ERC1: variants seen among roughly 807,000 people sequenced by gnomAD.
ERC1 encodes RAB6 interacting protein 2.
A neutral mutation model predicts 132.0 loss-of-function variants in ERC1; 56 were observed. That is an observed-to-expected ratio of 0.42 (90% CI 0.34 to 0.53). ERC1 has a LOEUF of 0.53. Ranked by LOEUF, ERC1 falls within the 20% of genes least tolerant of loss-of-function variation. The probability of loss-of-function intolerance (pLI) is 0.03; values close to 1 mark genes in which losing one functional copy is unlikely to be tolerated. For synonymous variants in ERC1, 478 were observed against 476.1 expected (o/e 1.00, Z -0.05); for missense variants, 1,202 against 1,349.9 (o/e 0.89, Z 1.72).
chr12:1,221,109 CT>C (rs1958943689), intron 12 of ERC1, among the ~76,000 whole-genome samples: 1 of 152,088 alleles, frequency 6.6e-6, no homozygotes, highest in Non-Finnish European at 1.5e-5. Flanking sequence ...TGTTCTCTTT[CT>C]TTCCAGTGGA....
At chr12:1,403,134 G>T (rs1312076725) in intron 16 of ERC1, among the ~76,000 whole-genome samples, 1 of 152,140 alleles carries the variant, frequency 6.6e-6, no homozygotes. Context: ...CTCTGGGAGG[G>T]TATGTATACC....
intron 14 of ERC1, among the ~76,000 whole-genome samples, chr12:1,272,112 C>T (rs1287534444): frequency 6.6e-6 from 1 of 152,150 alleles, no homozygotes; most frequent in Admixed American, 6.5e-5. Context: ...AAATTATGAC[C>T]TTGGGCAAGT....
intron 8 of ERC1, among the ~76,000 whole-genome samples, chr12:1,166,194 G>C (rs1055028583): frequency 6.6e-6 from 1 of 152,160 alleles, no homozygotes; most frequent in Non-Finnish European, 1.5e-5. Context: ...TGTATTGTGC[G>C]AGGGACCCAG....
chr12:1,064,224 T>C (rs1207643133), intron 2 of ERC1, among the ~76,000 whole-genome samples: 1 of 152,020 alleles, frequency 6.6e-6, no homozygotes, highest in African/African-American at 2.4e-5. Context: ...AAAAAACTTT[T>C]TTTTTTTTTT....
chr12:1,439,267 T>C (rs1423420889), intron 17 of ERC1, among the ~76,000 whole-genome samples: 1 of 152,158 alleles, frequency 6.6e-6, no homozygotes, highest in East Asian at 1.9e-4. Flanking sequence ...CTGTAGAATC[T>C]TCTGTTACTA....
At chr12:1,084,099 G>A (rs940709822) in intron 3 of ERC1, among the ~76,000 whole-genome samples, 2 of 152,188 alleles carry the variant, frequency 1.3e-5, no homozygotes, top group African/African-American at 4.8e-5. Context: ...TGGCTGCCAT[G>A]GAGGCATAGC....
chr12:1,261,487 G>A (rs1274438158), intron 13 of ERC1, among the ~76,000 whole-genome samples: 1 of 151,996 alleles, frequency 6.6e-6, no homozygotes, highest in Non-Finnish European at 1.5e-5. Flanking sequence ...CTCTTAGTTC[G>A]TAATCCTTCT....
intron 15 of ERC1, among the ~76,000 whole-genome samples, chr12:1,308,358 A>C (rs1439478569): frequency 6.6e-6 from 1 of 152,154 alleles, no homozygotes; most frequent in Non-Finnish European, 1.5e-5. Context: ...AGTTATATTA[A>C]AATTAGGACA....
intron 14 of ERC1, among the ~76,000 whole-genome samples, chr12:1,276,574 GT>G (rs528430427): frequency 0.019 from 2,768 of 143,984 alleles, 60 homozygotes; most frequent in African/African-American, 0.06. Flanking sequence ...ACTTAGTCCT[GT>G]TTTTTTTTTT....
intron 17 of ERC1, among the ~76,000 whole-genome samples, chr12:1,437,251 T>C (rs974143711): frequency 1.3e-5 from 2 of 152,212 alleles, no homozygotes; most frequent in African/African-American, 4.8e-5. Context: ...GCATACTGTA[T>C]GTACCCTTGA....
intron 1 of ERC1, among the ~76,000 whole-genome samples, chr12:1,017,835 CA>C (rs1252197170): frequency 6.6e-6 from 1 of 152,082 alleles, no homozygotes; most frequent in Non-Finnish European, 1.5e-5. Context: ...ATATAGGGTA[CA>C]AAATTCATCT....
At chr12:1,458,041 G>GT (rs1403279758) in intron 18 of ERC1, among the ~76,000 whole-genome samples, 8 of 152,384 alleles carry the variant, frequency 5.2e-5, no homozygotes, top group African/African-American at 1.9e-4. Context: ...AAGGCACTGG[G>GT]TTTGACCAGC....
chr12:1,444,306 C>G (rs1322370121), intron 17 of ERC1: 1 of 323,250 alleles, frequency 3.1e-6, no homozygotes, highest in East Asian at 5.2e-5. Flanking sequence ...ACAGAGCTGT[C>G]CGTCTGGTGT....
At chr12:1,338,415 A>G (rs1392701129) in intron 15 of ERC1, among the ~76,000 whole-genome samples, 4 of 151,928 alleles carry the variant, frequency 2.6e-5, no homozygotes, top group Admixed American at 6.6e-5. Flanking sequence ...TTTGCTGGCT[A>G]TTTTGTCTGT....
intron 8 of ERC1, among the ~76,000 whole-genome samples, chr12:1,158,156 C>T (rs1190581986): frequency 2.0e-5 from 3 of 152,084 alleles, no homozygotes; most frequent in African/African-American, 2.4e-5. Flanking sequence ...TGATTTAACA[C>T]GTTTAAAAAT....
intron 15 of ERC1, among the ~76,000 whole-genome samples, chr12:1,335,088 G>A (rs1260751008): frequency 6.6e-5 from 10 of 152,130 alleles, no homozygotes; most frequent in Non-Finnish European, 1.5e-5. Flanking sequence ...TATCCTGAAA[G>A]TTTGCTGAAG....
At chr12:1,440,199 CTT>C (rs756177628) in intron 17 of ERC1, among the ~76,000 whole-genome samples, 2,366 of 128,752 alleles carry the variant, frequency 0.018, 73 homozygotes, top group African/African-American at 0.069. Context: ...CTTTCTTTCT[CTT>C]TTTTTTTTTT....
chr12:1,397,514 G>A (rs956408), intron 16 of ERC1, among the ~76,000 whole-genome samples: 46,826 of 151,934 alleles, frequency 0.31, 7,402 homozygotes, highest in Middle Eastern at 0.37. Context: ...GATATGGAGC[G>A]ATTCCCAGAA....
At chr12:1,330,807 CTCTT>C (rs1405450077) in intron 15 of ERC1, among the ~76,000 whole-genome samples, 2 of 152,242 alleles carry the variant, frequency 1.3e-5, no homozygotes, top group African/African-American at 2.4e-5. Flanking sequence ...GACTTAGAGT[CTCTT>C]TGTCTTTTTT....
Sources: gnomAD v4.1 joint callset for allele counts (sites outside exome capture counted in the v4.1 genomes callset) on GRCh38, gnomAD v4.1.1 for gene constraint, MANE v1.5 for transcripts, NCBI Gene and HGNC (gene_info 2026-07-23, HGNC 2026-07-21) for gene names.